CYBB: variants seen among roughly 807,000 people sequenced by gnomAD.
The protein encoded by CYBB is NADPH oxidase 2.
In CYBB, 5 loss-of-function variants were observed where a neutral mutation model predicts 46.5. That is an observed-to-expected ratio of 0.11 (90% CI 0.06 to 0.23). CYBB has a LOEUF of 0.23. Ranked by LOEUF, CYBB falls within the 10% of genes least tolerant of loss-of-function variation. The probability of loss-of-function intolerance (pLI) is 1.00; values close to 1 mark genes in which losing one functional copy is unlikely to be tolerated. For synonymous variants in CYBB, 183 were observed against 156.7 expected (o/e 1.17, Z -1.26); for missense variants, 307 against 428.3 (o/e 0.72, Z 2.50).
chrX:37,805,149 C>T lies in CYBB; in HGVS notation c.1295C>T (p.Thr432Ile), dbSNP rs782510554. 17 of 1,209,552 alleles carry T rather than the reference C, an allele frequency of 1.4e-5. No individual in the cohort carries two copies. Among genetic ancestry groups the T allele is most frequent in the Non-Finnish European group, 1.9e-5 (17 of 894,883 alleles). The stretch of plus-strand genomic sequence containing the variant: ...TGGTACAAATATTGCAATAACGCCA[C>T]CAATCTGAAGCTCAAAAAGGTAAGT... ...SVWYKYCNNA[T>I]NLKLKKIYFY... Residue 432 changes from threonine (T) to isoleucine (I), a missense_variant, in exon 10 of 13, where the codon ACC (threonine) becomes ATC (isoleucine). Coordinates refer to ENST00000378588, the MANE Select transcript of CYBB (RefSeq NM_000397.4).
Position 37,787,784 on chromosome X carries a change from T to C in CYBB, c.252+4184T>C, listed in dbSNP as rs556230468. ...GCCACCAACCGGTTGTCTCGCCTCC[T>C]TTTTTAAGGAAGTGGTGAGGAGATG... is the stretch of plus-strand genomic sequence containing the variant. On this transcript the variant is annotated intron_variant, in intron 3 of 12. Coordinates refer to ENST00000378588, the MANE Select transcript of CYBB (RefSeq NM_000397.4). Among the ~76,000 whole-genome samples, 15 of 111,630 alleles carry C rather than the reference T, an allele frequency of 1.3e-4. No homozygotes were observed. In the South Asian group the frequency reaches 5.6e-3, roughly 42 times the overall value.
chrX:37,794,318 T>C (rs1002642123), intron 5 of CYBB, among the ~76,000 whole-genome samples: 1 of 111,475 alleles, frequency 9.0e-6, no homozygotes, highest in Non-Finnish European at 1.9e-5. Flanking sequence ...AGTTCTCAGA[T>C]AAGGTATCTT....
At chrX:37,805,956 G>C (rs1295693619) in intron 10 of CYBB, among the ~76,000 whole-genome samples, 3 of 112,221 alleles carry the variant, frequency 2.7e-5, no homozygotes, top group African/African-American at 9.7e-5. Context: ...TCCATGTGGA[G>C]GAGATGTGCA....
chrX:37,793,800 A>G lies in CYBB; in HGVS notation c.473A>G (p.Lys158Arg), dbSNP rs782506348. Residue 158 changes from lysine (K) to arginine (R), a missense_variant, in exon 5 of 13, where the codon AAG becomes AGG. Around this residue, in one of 3 missense-constraint regions of CYBB, gnomAD observed 103 missense variants for 150.2 expected, o/e 0.69. Transcript: ENST00000378588. ...GAAAGTTATCTCAATTTTGCTCGAA[A>G]GAGAATAAAGGTAAGCCTCTCATTA... ...QNESYLNFARKRIKNPEGGLY... is the reference protein window; with the variant it reads ...QNESYLNFARRRIKNPEGGLY... 1.2e-5 allele frequency: 14 copies of G among 1,204,207 alleles called. No homozygotes were observed. Among genetic ancestry groups the G allele is most frequent in the Non-Finnish European group, 1.6e-5 (14 of 892,081 alleles).
At chrX:37,794,548 G>A (rs1429042738) in intron 5 of CYBB, among the ~76,000 whole-genome samples, 1 of 111,552 alleles carries the variant, frequency 9.0e-6, no homozygotes, top group Non-Finnish European at 1.9e-5. Context: ...TGTAAGGCCA[G>A]CCACCAGCTG....
chrX:37,782,019 G>T, intron 1 of CYBB, 69 bp from the exon 2 acceptor site: 2 of 908,075 alleles, frequency 2.2e-6, no homozygotes, highest in South Asian at 2.0e-5. Flanking sequence ...ACCCTTATCT[G>T]ACTCCAGTCT....
In CYBB at chrX:37,800,771, A is replaced by G. The variant is rs180951929; in HGVS notation, c.805-485A>G. 1.2e-3 allele frequency among the ~76,000 whole-genome samples: 139 copies of G among 112,407 alleles called. 1 individual carries two copies. The Middle Eastern group carries it at 0.041, about 33-fold the overall frequency. On this transcript the variant is annotated intron_variant, in intron 7 of 12. Coordinates refer to ENST00000378588, the MANE Select transcript of CYBB (RefSeq NM_000397.4). ...TTGCATACTCCCAGAATTTCTCAGA[A>G]TATTGGAGAAACAGCCAAACTCTTG... is the stretch of plus-strand genomic sequence containing the variant.
At chrX:37,786,360 T>A (rs781892293) in intron 3 of CYBB, among the ~76,000 whole-genome samples, 1 of 111,991 alleles carries the variant, frequency 8.9e-6, no homozygotes, top group East Asian at 2.8e-4. Context: ...CAAAACTTCT[T>A]GAAATTGTGC....
intron 4 of CYBB, among the ~76,000 whole-genome samples, chrX:37,793,404 A>G (rs1350329504): frequency 9.1e-6 from 1 of 110,489 alleles, no homozygotes; most frequent in Non-Finnish European, 1.9e-5. Flanking sequence ...ATAGCTCAAC[A>G]TCTTCATCTT....
rs1556469853 is a variant in CYBB, at chrX:37,801,312, G to A, written c.861G>A (p.Arg287=). Residue 287 remains arginine, a synonymous_variant, in exon 8 of 13, where the codon CGG becomes CGA. Coordinates refer to ENST00000378588, the MANE Select transcript of CYBB (RefSeq NM_000397.4). ...MFLYLCERLV[R]FWRSQQKVVI... ...TGTATCTCTGTGAGAGGTTGGTGCG[G>A]TTTTGGCGATCTCAACAGAAGGTGG... is the stretch of plus-strand genomic sequence containing the variant. 1.7e-6 allele frequency: 2 copies of A among 1,208,227 alleles called. No individual in the cohort carries two copies. Among genetic ancestry groups the A allele is most frequent in the Non-Finnish European group, 2.2e-6 (2 of 892,575 alleles).
chrX:37,805,700 G>A (rs1253742637), intron 10 of CYBB, among the ~76,000 whole-genome samples: 16 of 110,317 alleles, frequency 1.5e-4, no homozygotes, highest in African/African-American at 5.0e-4. Context: ...ATTTCCAGCC[G>A]CGCCCCACCC....
chrX:37,806,267 A>G lies in CYBB; in HGVS notation c.1315-120A>G, dbSNP rs533147716. 8.3e-5 allele frequency: 63 copies of G among 757,840 alleles called. No individual in the cohort carries two copies. In the South Asian group the frequency reaches 1.3e-3, roughly 16 times the overall value. 62.5% of individuals were successfully genotyped at this position (757,840 alleles called of 1,213,427 possible). ...AATGTCCAGAGCCTTCTGAAAATCT[A>G]TGTTTCTAGGCATTCTGAGCATCAA... On this transcript the variant is annotated intron_variant, in intron 10 of 12. Coordinates refer to ENST00000378588, the MANE Select transcript of CYBB (RefSeq NM_000397.4).
intron 8 of CYBB, among the ~76,000 whole-genome samples, chrX:37,803,433 G>A (rs1319712709): frequency 1.8e-5 from 2 of 111,017 alleles, no homozygotes; most frequent in African/African-American, 6.5e-5. Context: ...ACAATAGGCT[G>A]ATTTCTTATG....
intron 3 of CYBB, among the ~76,000 whole-genome samples, chrX:37,787,881 C>T (rs929552502): frequency 1.8e-5 from 2 of 111,477 alleles, no homozygotes; most frequent in Admixed American, 9.5e-5. Context: ...CCTGTCCACA[C>T]CAAAGAGGGT....
chrX:37,806,433 T>A lies in CYBB; in HGVS notation c.1361T>A (p.Phe454Tyr). The A allele has an allele frequency of 8.3e-7, 1 of 1,210,354 alleles. No individual in the cohort carries two copies. The highest frequency in any genetic ancestry group is 1.1e-6 in the Non-Finnish European group (1 of 894,390). Residue 454 changes from phenylalanine to tyrosine, a missense_variant, in exon 11 of 13, where the codon TTT (phenylalanine) becomes TAT (tyrosine). Physicochemically the swap from Phe to Tyr is conservative, Grantham distance 22. Transcript: ENST00000378588. ...LCRDTHAFEWFADLLQLLESQ... is the reference protein window; with the variant it reads ...LCRDTHAFEWYADLLQLLESQ... ...CGGGACACACATGCCTTTGAGTGGTTTGCAGATCTGCTGCAACTGCTGGAG... is the reference window on the plus strand; with the variant it reads ...CGGGACACACATGCCTTTGAGTGGTATGCAGATCTGCTGCAACTGCTGGAG...
chrX:37,811,137 T>C lies in CYBB; in HGVS notation c.*220T>C, dbSNP rs987720889. On this transcript the variant is annotated 3_prime_UTR_variant, in exon 13 of 13. Coordinates refer to ENST00000378588, the MANE Select transcript of CYBB (RefSeq NM_000397.4). ...GCACTTTTACAAACATTATTTCATTTTTTTCCTCTCAGTAATGTCAGTGGA... is the reference window on the plus strand; with the variant it reads ...GCACTTTTACAAACATTATTTCATTCTTTTCCTCTCAGTAATGTCAGTGGA... 9 of 333,587 alleles carry C rather than the reference T, an allele frequency of 2.7e-5. No homozygotes were observed. The highest frequency in any genetic ancestry group is 2.4e-4 in the African/African-American group (9 of 37,524). The allele number at this position is 333,587 out of a possible 1,213,427, so 27.5% of individuals were successfully genotyped here. A position where few individuals can be genotyped will look rare whatever the true frequency, so the allele number is the denominator to read the frequency against.
intron 7 of CYBB, among the ~76,000 whole-genome samples, chrX:37,800,994 G>T (rs1368127468): frequency 8.9e-6 from 1 of 112,203 alleles, no homozygotes; most frequent in East Asian, 2.8e-4. Flanking sequence ...TTCTTGTGAG[G>T]AGTTCCTCTT....
chrX:37,788,109 T>A (rs1166462606), intron 3 of CYBB, among the ~76,000 whole-genome samples: 5 of 112,327 alleles, frequency 4.5e-5, no homozygotes, highest in Admixed American at 9.4e-5. Flanking sequence ...AGTTAATTTT[T>A]CTCTAAGGAT....
chrX:37,784,597 CTG>C (rs1388136147), intron 3 of CYBB, among the ~76,000 whole-genome samples: 1 of 101,976 alleles, frequency 9.8e-6, no homozygotes, highest in Non-Finnish European at 1.9e-5. Context: ...TTTTTGCCAC[CTG>C]TGACCACACC....
Sources: gnomAD v4.1 joint callset for allele counts (sites outside exome capture counted in the v4.1 genomes callset) on GRCh38, gnomAD v4.1.1 for gene constraint, gnomAD v4.1.1 regional missense constraint, MANE v1.5 for transcripts, NCBI Gene and HGNC (gene_info 2026-07-23, HGNC 2026-07-21) for gene names.